The following FREM2 variants were observed in gnomAD, a reference collection of about 807,000 sequenced individuals.
FREM2 encodes FRAS1-related extracellular matrix protein 2.
FREM2 carries 119 observed loss-of-function variants against 219.9 expected under a neutral mutation model. The ratio of observed to expected loss-of-function variants is 0.54; its 90% confidence interval spans 0.47 to 0.63. FREM2 has a LOEUF of 0.63. Among genes scored for constraint, FREM2 ranks in the 30% least tolerant of loss-of-function variants. FREM2 has a pLI of 0.00. For missense variants in FREM2, 4,030 were observed against 3,993.6 expected, an observed-to-expected ratio of 1.01 and a Z score of -0.25; for synonymous variants, 1,562 against 1,522.8, an observed-to-expected ratio of 1.03 and a Z score of -0.60.
At chr13:38,862,932 T>C (rs1046238078) in intron 15 of FREM2, among the ~76,000 whole-genome samples, 4 of 152,348 alleles carry the variant, frequency 2.6e-5, no homozygotes, top group Admixed American at 6.5e-5. Context: ...GATGGCAGCA[T>C]TGAACAGTCA....
chr13:38,712,767 T>C (rs73459842), intron 2 of FREM2, among the ~76,000 whole-genome samples: 5,109 of 152,194 alleles, frequency 0.034, 317 homozygotes, highest in African/African-American at 0.12. Flanking sequence ...TTTAGTAAGT[T>C]AATAAAATTT....
In FREM2 at chr13:38,689,552, A is replaced by G. The variant is rs768216864; in HGVS notation, c.2208A>G (p.Arg736=). 4 of 1,613,642 alleles carry G rather than the reference A, an allele frequency of 2.5e-6. No homozygotes were observed. The highest frequency in any genetic ancestry group is 2.5e-6 in the Non-Finnish European group (3 of 1,179,838). The change falls in exon 1 of 24, where the codon CGA becomes CGG. Residue 736 remains arginine, a synonymous_variant. Coordinates refer to ENST00000280481, the MANE Select transcript of FREM2 (RefSeq NM_207361.6). ...ACACTGACCTGGACACAGATGACCG[A>G]GAACTACGTTACACAGTGACTCAGC... ...LRYTDLDTDD[R]ELRYTVTQPP... is the part of the protein sequence containing the mutation.
At position 38,780,058 on chromosome 13, in the gene FREM2, T is replaced by C. The variant is rs185122921; in HGVS notation, c.5642-3012T>C. On this transcript the variant is annotated intron_variant, in intron 4 of 23. Transcript: ENST00000280481. The stretch of plus-strand genomic sequence containing the variant: ...CCCTGTGTGATTTTATTTTGACTCG[T>C]GGCTCTACATACCATCAACATGTTC... Among the ~76,000 whole-genome samples the C allele has an allele frequency of 6.0e-3, 909 of 152,322 alleles. 3 individuals are homozygous for C. Among genetic ancestry groups the C allele is most frequent in the Middle Eastern group, 0.051 (15 of 294 alleles).
intron 23 of FREM2, 138 bp downstream of exon 23, chr13:38,879,115 A>G (rs1208913490): frequency 3.4e-5 from 30 of 869,998 alleles, no homozygotes; most frequent in East Asian, 5.1e-5. Flanking sequence ...ATTGAATAAG[A>G]TATGGCAAAT....
chr13:38,693,244 A>G (rs1869970960), intron 1 of FREM2, among the ~76,000 whole-genome samples: 1 of 152,238 alleles, frequency 6.6e-6, no homozygotes, highest in Admixed American at 6.5e-5. Context: ...TTCATCACCA[A>G]AATATACATC....
intron 2 of FREM2, among the ~76,000 whole-genome samples, chr13:38,739,140 A>G (rs1872127586): frequency 1.3e-5 from 2 of 152,198 alleles, no homozygotes; most frequent in African/African-American, 4.8e-5. Flanking sequence ...TAGAAACAGA[A>G]ATGGTAGAGT....
chr13:38,823,168 A>G (rs932122807), intron 6 of FREM2, among the ~76,000 whole-genome samples: 2 of 146,484 alleles, frequency 1.4e-5, no homozygotes, highest in African/African-American at 5.0e-5. Context: ...CCTTGATTCT[A>G]CCTCCTTCAT....
Position 38,792,192 on chromosome 13 carries a change from C to CA in FREM2, c.6019+7390dup, listed in dbSNP as rs571724520. On this transcript the variant is annotated intron_variant, in intron 6 of 23. Coordinates refer to ENST00000280481, the MANE Select transcript of FREM2 (RefSeq NM_207361.6). ...TGAAACTGCATCTCTACTAAAAATA[C>CA]AAAAAACTTAGCCGGGTGTGGTGGC... 1.6e-3 allele frequency among the ~76,000 whole-genome samples: 249 copies of CA among 152,106 alleles called. 5 individuals are homozygous for CA. In the East Asian group the frequency reaches 0.044, roughly 27 times the overall value.
intron 2 of FREM2, among the ~76,000 whole-genome samples, chr13:38,745,056 A>T (rs1872411457): frequency 6.6e-6 from 1 of 152,200 alleles, no homozygotes; most frequent in Non-Finnish European, 1.5e-5. Context: ...CATTGCCATT[A>T]AAATATTAAT....
At position 38,850,985 on chromosome 13, in the gene FREM2, G is replaced by A. The variant is rs1042260357; in HGVS notation, c.6619G>A (p.Val2207Met). ...CTGCATTCTTGAGCTGATGGACGAT[G>A]TGCTCTATGAGGAGGTAGAGGAGCT... Reference protein sequence around the residue: ...KPCILELMDDVLYEEVEELRL... With the variant: ...KPCILELMDDMLYEEVEELRL... Residue 2207 changes from valine to methionine, a missense_variant, in exon 10 of 24, where the codon GTG (valine) becomes ATG (methionine). By Grantham distance (21) the Val-to-Met change is conservative. This residue lies in a region of FREM2 where 3,102 missense variants were observed against 2,950.7 expected (regional missense o/e 1.05). Transcript: ENST00000280481. The A allele has an allele frequency of 6.2e-7, 1 of 1,613,480 alleles. No individual in the cohort carries two copies. Among genetic ancestry groups the A allele is most frequent in the Non-Finnish European group, 8.5e-7 (1 of 1,179,976 alleles).
rs1876551745 is a variant in FREM2, at chr13:38,832,582, TATA to T, written c.6020-13985_6020-13983del. ...ACTATGTAGTTTATTTTTAATAAGA[TATA>T]ATAATTTTATACATACCATTCTCTA... On this transcript the variant is annotated intron_variant, in intron 6 of 23. Transcript: ENST00000280481. 2.0e-5 allele frequency among the ~76,000 whole-genome samples: 3 copies of T among 152,138 alleles called. No individual in the cohort carries two copies. The South Asian group carries it at 6.2e-4, about 32-fold the overall frequency.
At chr13:38,726,777 A>T (rs532596537) in intron 2 of FREM2, among the ~76,000 whole-genome samples, 1 of 152,212 alleles carries the variant, frequency 6.6e-6, no homozygotes, top group South Asian at 2.1e-4. Flanking sequence ...AACTGCTCTT[A>T]TATGCTATTT....
chr13:38,839,350 G>C (rs777896662), intron 6 of FREM2, among the ~76,000 whole-genome samples: 1 of 152,148 alleles, frequency 6.6e-6, no homozygotes, highest in Non-Finnish European at 1.5e-5. Context: ...TCCCAGAGGG[G>C]CACCCGCCAC....
Position 38,721,688 on chromosome 13 carries a change from G to A in FREM2, c.5263+23901G>A, listed in dbSNP as rs899705591. Among the ~76,000 whole-genome samples the A allele has an allele frequency of 2.6e-5, 4 of 152,272 alleles. No individual in the cohort carries two copies. The South Asian group carries it at 8.3e-4, about 32-fold the overall frequency. On this transcript the variant is annotated intron_variant, in intron 2 of 23. Coordinates refer to ENST00000280481, the MANE Select transcript of FREM2 (RefSeq NM_207361.6). ...TCACAGTTCTTGTTTCTGAGGCTAT[G>A]TTTAAGCATGGATGAATCCAGTTCA...
chr13:38,744,940 T>C (rs1205091112), intron 2 of FREM2, among the ~76,000 whole-genome samples: 1 of 152,256 alleles, frequency 6.6e-6, no homozygotes, highest in African/African-American at 2.4e-5. Flanking sequence ...ATTATTTATG[T>C]GGTTTATAAA....
At chr13:38,868,497 C>G (rs532790131) in intron 16 of FREM2, among the ~76,000 whole-genome samples, 2 of 152,308 alleles carry the variant, frequency 1.3e-5, no homozygotes, top group South Asian at 4.1e-4. Context: ...TAATGCTTAT[C>G]TGGGCATTAA....
Position 38,703,364 on chromosome 13 carries a change from A to T in FREM2, c.5263+5577A>T, listed in dbSNP as rs531175068. On this transcript the variant is annotated intron_variant, in intron 2 of 23. Transcript: ENST00000280481. ...AGTGACATGAGAACCAGGGGGAAAG[A>T]TGCTAGTGCCTTAGGGAGTTATAAT... Among the ~76,000 whole-genome samples the T allele has an allele frequency of 1.1e-4, 16 of 152,322 alleles. No homozygotes were observed. In the East Asian group the frequency reaches 1.9e-3, roughly 18 times the overall value.
rs1320847835 is a variant in FREM2, at chr13:38,790,634, G to A, written c.6019+5826G>A. On this transcript the variant is annotated intron_variant, in intron 6 of 23. Transcript: ENST00000280481. The stretch of plus-strand genomic sequence containing the variant: ...CAGTTCTCATGTCAGGAATACCATG[G>A]CTGAGTCAAAGATGGGGCAACTAAA... Among the ~76,000 whole-genome samples the A allele has an allele frequency of 2.0e-5, 3 of 152,098 alleles. No homozygotes were observed. The East Asian group carries it at 5.8e-4, about 29-fold the overall frequency.
At position 38,859,176 on chromosome 13, in the gene FREM2, A is replaced by G. The variant is rs991900389; in HGVS notation, c.7216-111A>G. 6 of 999,976 alleles carry G rather than the reference A, an allele frequency of 6.0e-6. 1 individual carries two copies. The highest frequency in any genetic ancestry group is 9.5e-6 in the Non-Finnish European group (6 of 632,052). 61.9% of individuals were successfully genotyped at this position (999,976 alleles called of 1,614,324 possible). On this transcript the variant is annotated intron_variant, in intron 13 of 23. Transcript: ENST00000280481. ...AAAATTCGGAAGCTGTATAAACAGC[A>G]TGTGGAAATTGGGGAAAGCAGCAGT...
Sources: gnomAD v4.1 joint callset for allele counts (sites outside exome capture counted in the v4.1 genomes callset) on GRCh38, gnomAD v4.1.1 for gene constraint, gnomAD v4.1.1 regional missense constraint, MANE v1.5 for transcripts, NCBI Gene and HGNC (gene_info 2026-07-23, HGNC 2026-07-21) for gene names.